TOP1MT: variants seen among roughly 807,000 people sequenced by gnomAD.
TOP1MT encodes DNA topoisomerase I mitochondrial.
In TOP1MT, 80 loss-of-function variants were observed where a neutral mutation model predicts 73.9. The ratio of observed to expected loss-of-function variants is 1.08; its 90% CI spans 0.90 to 1.30. The LOEUF is 1.30. TOP1MT is among the 50% of genes most tolerant of loss of function. The probability of loss-of-function intolerance (pLI) is 0.00; values close to 1 mark genes in which losing one functional copy is unlikely to be tolerated. For missense variants in TOP1MT, 815 were observed against 808.0 expected (o/e 1.01, Z -0.10); for synonymous variants, 338 against 326.4 (o/e 1.04, Z -0.38).
At chr8:143,338,051 C>A (rs1322609933), upstream of TOP1MT, among the ~76,000 whole-genome samples, 1 of 152,190 alleles carries the variant, frequency 6.6e-6, no homozygotes, top group Non-Finnish European at 1.5e-5. Flanking sequence ...GAGCCCGGAT[C>A]TTGAGAGGCG....
At chr8:143,328,350 A>T (rs754075984) in intron 3 of TOP1MT, 32 of 439,080 alleles carry the variant, frequency 7.3e-5, no homozygotes, top group Middle Eastern at 6.6e-4. Context: ...ACTCCGATAA[A>T]TGAGCGAGGA....
At position 143,342,711 on chromosome 8, in the gene TOP1MT, C is replaced by CTCTAT. The variant is rs1322527157; in HGVS notation, c.29+508_29+509insATAGA. Reference sequence around the variant, plus strand: ...TATTATTATTAGAGACAGAGTCTCGCTGTTATTATTATTATTAGAGACAGA... The same window carrying CTCTAT: ...TATTATTATTAGAGACAGAGTCTCGCTCTATTGTTATTATTATTATTAGAGACAGA... On this transcript the variant is annotated intron_variant, in intron 2 of 5. Transcript: ENST00000518007. Among the ~76,000 whole-genome samples the CTCTAT allele has an allele frequency of 7.8e-5, 4 of 51,150 alleles. 1 individual carries two copies. Among genetic ancestry groups the CTCTAT allele is most frequent in the Admixed American group, 2.0e-4 (1 of 5,092 alleles). The allele number at this position is 51,150 out of a possible 152,430, so 33.6% of individuals were successfully genotyped here. A position where few individuals can be genotyped will look rare whatever the true frequency, so the allele number is the denominator to read the frequency against.
chr8:143,342,824 AC>A (rs1344919451), intron 2 of TOP1MT, among the ~76,000 whole-genome samples: 2 of 115,514 alleles, frequency 1.7e-5, no homozygotes, highest in East Asian at 2.4e-4. Context: ...TCGCTCTGTC[AC>A]CCAGGCTGGA....
intron 2 of TOP1MT, among the ~76,000 whole-genome samples, chr8:143,330,184 G>A (rs1186123901): frequency 1.3e-5 from 2 of 152,208 alleles, no homozygotes; most frequent in African/African-American, 2.4e-5. Context: ...ACAGGCCCGA[G>A]GGGCTCAGCT....
At chr8:143,313,088 C>T (rs887959107) in intron 12 of TOP1MT, among the ~76,000 whole-genome samples, 2 of 152,152 alleles carry the variant, frequency 1.3e-5, no homozygotes, top group Non-Finnish European at 2.9e-5. Context: ...TTCCCTCAGA[C>T]CACACACAAA....
chr8:143,323,662 CCA>C lies in TOP1MT; in HGVS notation c.960+335_960+336del, dbSNP rs1216098239. Among the ~76,000 whole-genome samples, 9 of 76,290 alleles carry C rather than the reference CCA, an allele frequency of 1.2e-4. 3 individuals are homozygous for C. The highest frequency in any genetic ancestry group is 1.5e-3 in the East Asian group (2 of 1,302). 50.0% of individuals were successfully genotyped at this position (76,290 alleles called of 152,430 possible). A position where few individuals can be genotyped will look rare whatever the true frequency, so the allele number is the denominator to read the frequency against. The stretch of plus-strand genomic sequence containing the variant: ...CACACGCACGCCACACACATGCTCA[CCA>C]CACACGCACGCCACACACATGCACG... On this transcript the variant is annotated intron_variant, in intron 7 of 13. Transcript: ENST00000329245.
At chr8:143,321,643 A>C (rs1423919713) in intron 7 of TOP1MT, among the ~76,000 whole-genome samples, 1 of 64,706 alleles carries the variant, frequency 1.5e-5, no homozygotes, top group Admixed American at 2.2e-4. Context: ...CAGGCACGCC[A>C]CACACAGGCA....
chr8:143,313,727 T>TACAGGGTG (rs1816075341), intron 12 of TOP1MT, among the ~76,000 whole-genome samples: 2 of 150,078 alleles, frequency 1.3e-5, no homozygotes, highest in Non-Finnish European at 3.0e-5. Flanking sequence ...TGGTGGCGGG[T>TACAGGGTG]GCCTGTAATC....
intron 8 of TOP1MT, among the ~76,000 whole-genome samples, chr8:143,319,770 G>A (rs1816277783): frequency 6.6e-6 from 1 of 151,976 alleles, no homozygotes; most frequent in Non-Finnish European, 1.5e-5. Context: ...GTACTGGGGT[G>A]AAAAGTGTTC....
chr8:143,317,528 A>T (rs960358195), intron 10 of TOP1MT, among the ~76,000 whole-genome samples, 195 bp downstream of exon 10: 3 of 152,154 alleles, frequency 2.0e-5, no homozygotes, highest in Admixed American at 6.5e-5. Context: ...TGGGGTCCCG[A>T]GAGCCAGAAC....
intron 1 of TOP1MT, 123 bp downstream of exon 1, chr8:143,334,617 C>A (rs1158590593): frequency 2.1e-6 from 3 of 1,421,832 alleles, no homozygotes; most frequent in South Asian, 1.3e-5. Flanking sequence ...GCTCTCCTGG[C>A]CCGACTTTTG....
rs1816634176 is a variant in TOP1MT, at chr8:143,324,044, T to C, written c.915A>G (p.Glu305=). The C allele has an allele frequency of 4.3e-6, 7 of 1,613,832 alleles. No homozygotes were observed. The highest frequency in any genetic ancestry group is 5.1e-6 in the Non-Finnish European group (6 of 1,180,038). Reference sequence around the variant, plus strand: ...CCACCGCCCGCTGTCTCGTCTTCATTTCCCGAGACTTCCAGTCAGCCCGGT... The same window carrying C: ...CCACCGCCCGCTGTCTCGTCTTCATCTCCCGAGACTTCCAGTCAGCCCGGT... ...SQYRADWKSR[E]MKTRQRAVAL... The change falls in exon 7 of 14, where the codon GAA becomes GAG. Residue 305 remains glutamate (E), a synonymous_variant. Coordinates refer to ENST00000329245, the MANE Select transcript of TOP1MT (RefSeq NM_052963.3).
At chr8:143,331,198 G>C (rs201024812) in intron 2 of TOP1MT, 26 bp downstream of exon 2, 1 of 1,561,716 alleles carries the variant, frequency 6.4e-7, no homozygotes, top group African/African-American at 1.4e-5. Flanking sequence ...CGCAGGCTGG[G>C]GAGGAGCCGC....
chr8:143,355,445 CAG>C (rs1317514600), intron 1 of TOP1MT: 1 of 152,146 alleles, frequency 6.6e-6, no homozygotes, highest in African/African-American at 2.4e-5. Flanking sequence ...CTGCGGGACA[CAG>C]AAAGCTATTT....
chr8:143,316,078 C>T lies in TOP1MT; in HGVS notation c.1379G>A (p.Arg460Gln), dbSNP rs201658929. Residue 460 changes from arginine to glutamine, a missense_variant, in exon 11 of 14, where the codon CGA (arginine) becomes CAA (glutamine). Coordinates refer to ENST00000329245, the MANE Select transcript of TOP1MT (RefSeq NM_052963.3). ...AKILSYNRAN[R>Q]VVAILCNHQR... ...ATGGTTGCAGAGAATGGCCACGACT[C>T]GGTTGGCTCGGTTGTAGGATAAGAT... 6.2e-6 allele frequency: 10 copies of T among 1,614,148 alleles called. No homozygotes were observed. The highest frequency in any genetic ancestry group is 1.6e-4 in the Middle Eastern group (1 of 6,062).
chr8:143,334,481 G>GAA (rs139276113), intron 1 of TOP1MT, among the ~76,000 whole-genome samples: 1 of 152,106 alleles, frequency 6.6e-6, no homozygotes, highest in Non-Finnish European at 1.5e-5. Context: ...ACCACAAGCG[G>GAA]AAAAAAAGAG....
chr8:143,318,292 A>G (rs1221041677), intron 8 of TOP1MT, among the ~76,000 whole-genome samples: 1 of 152,274 alleles, frequency 6.6e-6, no homozygotes, highest in South Asian at 2.1e-4. Context: ...ACGCACAGGC[A>G]GCGTGCTCAG....
intron 12 of TOP1MT, chr8:143,310,492 G>A (rs896996155): frequency 2.1e-5 from 7 of 327,126 alleles, no homozygotes; most frequent in Non-Finnish European, 3.3e-5. Context: ...CGACACAACA[G>A]ACTGAGGCCG....
chr8:143,352,312 G>A (rs1262529906), intron 1 of TOP1MT, among the ~76,000 whole-genome samples: 4 of 152,228 alleles, frequency 2.6e-5, no homozygotes, highest in Non-Finnish European at 4.4e-5. Context: ...CTACAGTGAT[G>A]AAGACAGCGG....
Sources: allele counts gnomAD v4.1 joint callset (sites outside exome capture counted in the v4.1 genomes callset), GRCh38; gene constraint gnomAD v4.1.1; transcripts MANE v1.5; gene names NCBI Gene and HGNC (gene_info 2026-07-23, HGNC 2026-07-21).